ASPSCR1: variants seen among roughly 807,000 people sequenced by gnomAD.
The protein encoded by ASPSCR1 is tether containing UBX domain for GLUT4.
A neutral mutation model predicts 68.9 loss-of-function variants in ASPSCR1; 55 were observed. The observed-to-expected ratio is 0.80, with a 90% confidence interval of 0.64 to 1.00. The LOEUF is 1.00. Ranked by LOEUF, ASPSCR1 falls within the 50% of genes least tolerant of loss-of-function variation. The pLI is 0.00. For missense variants in ASPSCR1, 765 were observed against 762.2 expected (o/e 1.00, Z -0.04); for synonymous variants, 352 against 332.6 (o/e 1.06, Z -0.63).
intron 7 of ASPSCR1, among the ~76,000 whole-genome samples, chr17:82,002,184 TA>T (rs1181701360): frequency 6.6e-6 from 1 of 151,790 alleles, no homozygotes; most frequent in Non-Finnish European, 1.5e-5. Flanking sequence ...TTTTTCTTTT[TA>T]AAATTAAAAA....
chr17:82,016,962 G>A lies in ASPSCR1; in HGVS notation c.1497G>A (p.Gly499=). 1 of 1,611,758 alleles carries A rather than the reference G, an allele frequency of 6.2e-7. No homozygotes were observed. Among genetic ancestry groups the A allele is most frequent in the Non-Finnish European group, 8.5e-7 (1 of 1,179,254 alleles). The change falls in exon 15 of 16, where the codon GGG becomes GGA. Residue 499 remains glycine (G), a synonymous_variant. Coordinates refer to ENST00000306739, the MANE Select transcript of ASPSCR1 (RefSeq NM_024083.4). ...LVARYMSRAA[G]SPSPLPAPDP... ...ACAGGTACATGTCCAGGGCCGCCGGGTCCCCTTCCCCATTGCCAGCCCCTG... is the reference window on the plus strand; with the variant it reads ...ACAGGTACATGTCCAGGGCCGCCGGATCCCCTTCCCCATTGCCAGCCCCTG...
chr17:81,986,281 C>G lies in ASPSCR1; in HGVS notation c.374+674C>G, dbSNP rs1209596765. Among the ~76,000 whole-genome samples the G allele has an allele frequency of 6.6e-6, 1 of 151,996 alleles. No individual in the cohort carries two copies. The highest frequency in any genetic ancestry group is 1.5e-5 in the Non-Finnish European group (1 of 68,004). On this transcript the variant is annotated intron_variant, in intron 4 of 15. Transcript: ENST00000306739. This position sits in a 1 kb window ranked among gnomAD's most constrained non-coding sequence, Gnocchi z 5.2. ...TCTACAAAAAATAGAAATGTTAGGC[C>G]AGGCATAGTGCATGGTGGTGCGTGC...
chr17:81,989,719 CTG>C (rs2042100860), intron 4 of ASPSCR1, among the ~76,000 whole-genome samples: 1 of 152,214 alleles, frequency 6.6e-6, no homozygotes, highest in Non-Finnish European at 1.5e-5. Context: ...GAGGGTGTCA[CTG>C]TAGCACGCAG....
chr17:82,017,209 T>A (rs996155401), intron 15 of ASPSCR1, 96 bp downstream of exon 15: 1 of 1,587,848 alleles, frequency 6.3e-7, no homozygotes, highest in Non-Finnish European at 8.5e-7. Context: ...GGCTAGGTGC[T>A]GTGGCCGGCA....
chr17:81,999,640 A>G lies in ASPSCR1; in HGVS notation c.933+2794A>G, dbSNP rs920378767. 3.3e-5 allele frequency among the ~76,000 whole-genome samples: 5 copies of G among 151,876 alleles called. No homozygotes were observed. The highest frequency in any genetic ancestry group is 1.2e-4 in the African/African-American group (5 of 41,368). On this transcript the variant is annotated intron_variant, in intron 7 of 15. Transcript: ENST00000306739. The surrounding 1 kb of genome is among the most constrained non-coding windows in gnomAD (Gnocchi z 4.4). ...AAACTCCATCTCAAAAAAAAAAAAAAAAAAGAAAACAAGAAGTGGCCAGGA... is the reference window on the plus strand; with the variant it reads ...AAACTCCATCTCAAAAAAAAAAAAAGAAAAGAAAACAAGAAGTGGCCAGGA...
At chr17:81,996,100 T>C in intron 6 of ASPSCR1, 35 bp downstream of exon 6, 6 of 1,553,010 alleles carry the variant, frequency 3.9e-6, no homozygotes, top group Non-Finnish European at 4.3e-6. Flanking sequence ...AGGAGTCTAT[T>C]TAGCTAAAAA....
Position 81,983,595 on chromosome 17 carries a change from T to G in ASPSCR1, c.200T>G (p.Phe67Cys). ...CTCGACCTTTCTCTCCAGTGGAGAT[T>G]TGCCAACCTGCCCAACAATGCCAAG... is the stretch of plus-strand genomic sequence containing the variant. ...SVLDLSLQWRFANLPNNAKLE... is the reference protein window; with the variant it reads ...SVLDLSLQWRCANLPNNAKLE... Residue 67 changes from phenylalanine (F) to cysteine (C), a missense_variant, in exon 3 of 16, where the codon TTT becomes TGT. By Grantham distance (205) the Phe-to-Cys change is radical. Coordinates refer to ENST00000306739, the MANE Select transcript of ASPSCR1 (RefSeq NM_024083.4). The surrounding 1 kb of genome is among the most constrained non-coding windows in gnomAD (Gnocchi z 4.4). The G allele has an allele frequency of 6.2e-7, 1 of 1,613,588 alleles. No homozygotes were observed. The highest frequency in any genetic ancestry group is 8.5e-7 in the Non-Finnish European group (1 of 1,179,940).
chr17:82,003,510 C>T (rs891572991), intron 7 of ASPSCR1, among the ~76,000 whole-genome samples: 7 of 152,240 alleles, frequency 4.6e-5, no homozygotes, highest in Admixed American at 2.0e-4. Context: ...TGTGGCCACT[C>T]GCTGGCAGGC....
chr17:82,014,698 C>A (rs2043063194), intron 12 of ASPSCR1: 4 of 261,670 alleles, frequency 1.5e-5, no homozygotes, highest in Non-Finnish European at 2.9e-5. Context: ...AGGGGGCGGC[C>A]AGGCGCTGGG....
chr17:81,993,644 G>T (rs540135094), intron 4 of ASPSCR1, among the ~76,000 whole-genome samples: 1 of 152,228 alleles, frequency 6.6e-6, no homozygotes, highest in East Asian at 1.9e-4. Flanking sequence ...CCAGCATCCC[G>T]CTCTGTGCAT....
intron 12 of ASPSCR1, chr17:82,015,244 G>C: frequency 6.3e-7 from 1 of 1,598,276 alleles, no homozygotes; most frequent in Non-Finnish European, 8.5e-7. Flanking sequence ...CCAAGCACTG[G>C]TCAGCCTCCA....
At chr17:81,995,815 T>G (rs2042316259) in intron 5 of ASPSCR1, among the ~76,000 whole-genome samples, 177 bp from the exon 6 acceptor site, 1 of 152,154 alleles carries the variant, frequency 6.6e-6, no homozygotes, top group Non-Finnish European at 1.5e-5. Flanking sequence ...CAGACCAGAC[T>G]CAAGCTGGGC....
At chr17:82,003,975 C>A (rs895696844) in intron 7 of ASPSCR1, among the ~76,000 whole-genome samples, 2 of 152,216 alleles carry the variant, frequency 1.3e-5, no homozygotes, top group African/African-American at 4.8e-5. Context: ...CAGGCCGGGC[C>A]GAGACGGTGG....
At position 81,993,862 on chromosome 17, in the gene ASPSCR1, G is replaced by C. The variant is rs534533046; in HGVS notation, c.375-959G>C. Among the ~76,000 whole-genome samples the C allele has an allele frequency of 2.6e-5, 4 of 152,358 alleles. No homozygotes were observed. The East Asian group carries it at 7.7e-4, about 29-fold the overall frequency. The stretch of plus-strand genomic sequence containing the variant: ...GCACACTGGCCATAGGGCCTGGCAG[G>C]GCACCTGCATGACCTGAGGCCGGCC... On this transcript the variant is annotated intron_variant, in intron 4 of 15. Coordinates refer to ENST00000306739, the MANE Select transcript of ASPSCR1 (RefSeq NM_024083.4).
chr17:82,017,084 G>A lies in ASPSCR1; in HGVS notation c.1619G>A (p.Gly540Asp), dbSNP rs764223425. The A allele has an allele frequency of 6.2e-7, 1 of 1,605,236 alleles. No individual in the cohort carries two copies. The highest frequency in any genetic ancestry group is 8.5e-7 in the Non-Finnish European group (1 of 1,177,412). The change falls in exon 15 of 16, where the codon GGC (glycine) becomes GAC (aspartate). Residue 540 changes from glycine to aspartate, a missense_variant. Physicochemically the swap from Gly to Asp is moderately conservative, Grantham distance 94. Transcript: ENST00000306739. ...GTAQPVKRSL[G>D]KVPKWLKLPA... ...GCCCAGCCCGTGAAGAGGAGCCTGG[G>A]CAAGGTGCCCAAGTGGCTGAAGCTG...
chr17:82,012,699 T>A (rs1178941822), intron 12 of ASPSCR1, among the ~76,000 whole-genome samples: 1 of 152,108 alleles, frequency 6.6e-6, no homozygotes, highest in Non-Finnish European at 1.5e-5. Flanking sequence ...GCCTTGGGCT[T>A]CAGCTGCCCC....
intron 7 of ASPSCR1, chr17:82,006,162 G>A (rs969128028): frequency 4.0e-5 from 6 of 151,476 alleles, no homozygotes; most frequent in Non-Finnish European, 7.3e-5. Context: ...GTCCTTGTGG[G>A]TGCACGTGTG....
intron 11 of ASPSCR1, 147 bp downstream of exon 11, chr17:82,011,752 C>T (rs2144095656): frequency 2.2e-6 from 2 of 889,180 alleles, no homozygotes; most frequent in Non-Finnish European, 3.5e-6. Flanking sequence ...TCCTGCAGCC[C>T]ATGGTGTCTG....
Position 81,992,065 on chromosome 17 carries a change from T to A in ASPSCR1, c.375-2756T>A, listed in dbSNP as rs551258410. On this transcript the variant is annotated intron_variant, in intron 4 of 15. Coordinates refer to ENST00000306739, the MANE Select transcript of ASPSCR1 (RefSeq NM_024083.4). ...GTGGGGAGCTCTGCTGGCTGGAGAG[T>A]GTGTGAGAGTGTGCCAGTACCCTGC... Among the ~76,000 whole-genome samples, 4 of 151,522 alleles carry A rather than the reference T, an allele frequency of 2.6e-5. No homozygotes were observed. In the East Asian group the frequency reaches 7.8e-4, roughly 30 times the overall value.
Sources: gnomAD v4.1 joint callset for allele counts (sites outside exome capture counted in the v4.1 genomes callset) on GRCh38, gnomAD v4.1.1 for gene constraint, Gnocchi (gnomAD v3.1) non-coding constraint, MANE v1.5 for transcripts, NCBI Gene and HGNC (gene_info 2026-07-23, HGNC 2026-07-21) for gene names.